The following ZNF678 variants were observed in gnomAD, a reference collection of about 807,000 sequenced individuals.
ZNF678 encodes the protein hypothetical protein MGC42493.
In ZNF678, 5 loss-of-function variants were observed where a neutral mutation model predicts 3.0. That is an observed-to-expected ratio of 1.69 (90% CI 0.88 to 3.56). ZNF678 has a LOEUF of 3.56. ZNF678 is among the 30% of genes most tolerant of loss of function. ZNF678 has a pLI of 0.00. For synonymous variants in ZNF678, 218 were observed against 199.6 expected, an observed-to-expected ratio of 1.09 and a Z score of -0.78; for missense variants, 593 against 605.0, an observed-to-expected ratio of 0.98 and a Z score of 0.21.
chr1:227,615,616 A>G (rs1658124201), intron 1 of ZNF678, among the ~76,000 whole-genome samples: 1 of 151,966 alleles, frequency 6.6e-6, no homozygotes, highest in Non-Finnish European at 1.5e-5. Flanking sequence ...TCCCCATGCA[A>G]TTGTTTTTTC....
chr1:227,664,322 C>CA (rs1188608072), downstream of ZNF678, among the ~76,000 whole-genome samples: 3 of 152,172 alleles, frequency 2.0e-5, no homozygotes, highest in Non-Finnish European at 4.4e-5. Context: ...CCTGTCCTGT[C>CA]ATGCCCTGTG....
chr1:227,609,583 C>T (rs959736525), intron 1 of ZNF678, among the ~76,000 whole-genome samples: 1 of 152,080 alleles, frequency 6.6e-6, no homozygotes, highest in South Asian at 2.1e-4. Flanking sequence ...CTGATTTTAC[C>T]ATAAAATTTG....
chr1:227,627,953 C>T (rs1318806547), intron 1 of ZNF678, among the ~76,000 whole-genome samples: 1 of 152,220 alleles, frequency 6.6e-6, no homozygotes, highest in Admixed American at 6.5e-5. Flanking sequence ...ATCTTTTCTT[C>T]ATTGTCTGGA....
intron 1 of ZNF678, among the ~76,000 whole-genome samples, chr1:227,619,809 C>T (rs1658234988): frequency 6.6e-6 from 1 of 152,186 alleles, no homozygotes; most frequent in Non-Finnish European, 1.5e-5. Flanking sequence ...TTTTTGCAAT[C>T]AGACCTTGGT....
downstream of ZNF678, among the ~76,000 whole-genome samples, chr1:227,678,526 C>G (rs1187304833): frequency 2.6e-5 from 4 of 152,184 alleles, no homozygotes; most frequent in African/African-American, 9.6e-5. Flanking sequence ...TCCTAAACAT[C>G]ACTGGTGAGT....
intron 5 of ZNF678, among the ~76,000 whole-genome samples, chr1:227,669,490 T>TA (rs1558164219): frequency 1.6e-4 from 24 of 150,736 alleles, no homozygotes; most frequent in African/African-American, 5.1e-4. Context: ...TATATATATC[T>TA]AAAAAAAAAT....
At chr1:227,667,721 G>A (rs1222390259) in intron 5 of ZNF678, among the ~76,000 whole-genome samples, 1 of 152,144 alleles carries the variant, frequency 6.6e-6, no homozygotes, top group Non-Finnish European at 1.5e-5. Flanking sequence ...TAAGTTAATT[G>A]TATTTAATGT....
chr1:227,661,034 G>C lies in ZNF678; in HGVS notation c.*5206G>C, dbSNP rs183263362. 1 of 152,068 alleles carries C rather than the reference G, an allele frequency of 6.6e-6. No homozygotes were observed. The highest frequency in any genetic ancestry group is 1.5e-5 in the Non-Finnish European group (1 of 68,010). The allele number at this position is 152,068 out of a possible 1,614,324, so 9.4% of individuals were successfully genotyped here. A position where few individuals can be genotyped will look rare whatever the true frequency, so the allele number is the denominator to read the frequency against. On this transcript the variant is annotated 3_prime_UTR_variant, in exon 4 of 4. Transcript: ENST00000343776. ...TCTGTACCTAGAGGAGGACACAAAGGCATCATATGTTACATTCTCGTGACA... is the reference window on the plus strand; with the variant it reads ...TCTGTACCTAGAGGAGGACACAAAGCCATCATATGTTACATTCTCGTGACA...
At chr1:227,633,491 A>G (rs1404317597) in intron 1 of ZNF678, among the ~76,000 whole-genome samples, 1 of 152,214 alleles carries the variant, frequency 6.6e-6, no homozygotes, top group Non-Finnish European at 1.5e-5. Flanking sequence ...AGGTGGGTGC[A>G]GTCACCTTCT....
At chr1:227,629,027 G>A (rs531727278) in intron 1 of ZNF678, among the ~76,000 whole-genome samples, 2 of 152,306 alleles carry the variant, frequency 1.3e-5, no homozygotes, top group East Asian at 1.9e-4. Flanking sequence ...TGGGTATAGA[G>A]GGACAACAGC....
chr1:227,600,443 T>C (rs1002528596), intron 1 of ZNF678, among the ~76,000 whole-genome samples: 9 of 152,008 alleles, frequency 5.9e-5, no homozygotes, highest in African/African-American at 2.2e-4. Context: ...TATAAGCGTT[T>C]TGTTTTGTTT....
rs199577557 is a variant in ZNF678, at chr1:227,635,846, G to GTT, written c.-163-10697_-163-10696dup. ...TGGGACTGGGCCTGAGAAGGGAGGA[G>GTT]TTATTCATCTCCTTAAGCTTTCAGG... On this transcript the variant is annotated intron_variant, in intron 1 of 3. Coordinates refer to ENST00000343776, the MANE Select transcript of ZNF678 (RefSeq NM_001367909.1). Among the ~76,000 whole-genome samples the GTT allele has an allele frequency of 7.4e-3, 1,123 of 152,144 alleles. 8 individuals are homozygous for GTT. Among genetic ancestry groups the GTT allele is most frequent in the African/African-American group, 0.022 (932 of 41,506 alleles).
At chr1:227,633,300 C>T (rs562760051) in intron 1 of ZNF678, among the ~76,000 whole-genome samples, 1 of 152,320 alleles carries the variant, frequency 6.6e-6, no homozygotes, top group South Asian at 2.1e-4. Flanking sequence ...AAGTGGGTTG[C>T]CACTGCCGGC....
At chr1:227,612,596 T>C (rs1304604544) in intron 1 of ZNF678, among the ~76,000 whole-genome samples, 1 of 152,214 alleles carries the variant, frequency 6.6e-6, no homozygotes, top group African/African-American at 2.4e-5. Context: ...CTTTGGTACC[T>C]GGGATAGCTT....
intron 1 of ZNF678, chr1:227,598,932 C>G (rs1187580419): frequency 1.3e-6 from 1 of 768,434 alleles, no homozygotes; most frequent in African/African-American, 1.7e-5. Flanking sequence ...CTGTCTCTTT[C>G]TAGTTCTTTC....
At position 227,646,539 on chromosome 1, in the gene ZNF678, C is replaced by G. The variant is rs765916603; in HGVS notation, c.-163-5C>G. ...TAAATACGTGTGTATTTTTCCCCCC[C>G]CCAGGGACTACTGGCATTCAGTGAT... On this transcript the variant is annotated splice_region_variant and splice_polypyrimidine_tract_variant and intron_variant, in intron 1 of 3. Coordinates refer to ENST00000343776, the MANE Select transcript of ZNF678 (RefSeq NM_001367909.1). 38 of 1,370,442 alleles carry G rather than the reference C, an allele frequency of 2.8e-5. No individual in the cohort carries two copies. Among genetic ancestry groups the G allele is most frequent in the East Asian group, 2.7e-4 (6 of 22,046 alleles). The allele number at this position is 1,370,442 out of a possible 1,614,324, so 84.9% of individuals were successfully genotyped here.
chr1:227,580,897 T>G (rs571357513), intron 1 of ZNF678, among the ~76,000 whole-genome samples: 1 of 150,012 alleles, frequency 6.7e-6, no homozygotes, highest in African/African-American at 2.5e-5. Flanking sequence ...GCCTTTGCAC[T>G]CCAGCCTCAA....
intron 1 of ZNF678, among the ~76,000 whole-genome samples, chr1:227,576,139 A>G (rs2088210): frequency 0.52 from 79,360 of 152,002 alleles, 21,968 homozygotes; most frequent in Non-Finnish European, 0.62. Flanking sequence ...TGCTGGATTC[A>G]GTTTGCCAGT....
chr1:227,627,490 T>A (rs1658447358), intron 1 of ZNF678, among the ~76,000 whole-genome samples: 1 of 152,164 alleles, frequency 6.6e-6, no homozygotes, highest in South Asian at 2.1e-4. Flanking sequence ...TTTCCCTTTC[T>A]TTTCCTTTCT....
Sources: allele counts gnomAD v4.1 joint callset (sites outside exome capture counted in the v4.1 genomes callset), GRCh38; gene constraint gnomAD v4.1.1; transcripts MANE v1.5; gene names NCBI Gene and HGNC (gene_info 2026-07-23, HGNC 2026-07-21).